The following GRM1 variants were observed in gnomAD, a reference collection of about 807,000 sequenced individuals.
The protein encoded by GRM1 is glutamate metabotropic receptor 1.
A neutral mutation model predicts 90.9 loss-of-function variants in GRM1; 33 were observed. The ratio of observed to expected loss-of-function variants is 0.36; its 90% CI spans 0.28 to 0.49. The LOEUF (loss-of-function observed/expected upper bound fraction) is 0.49. Among genes scored for constraint, GRM1 ranks in the 20% least tolerant of loss-of-function variants. The pLI is 0.99. For missense variants in GRM1, 1,190 were observed against 1,534.3 expected, an observed-to-expected ratio of 0.78 and a Z score of 3.75; for synonymous variants, 700 against 613.2, an observed-to-expected ratio of 1.14 and a Z score of -2.09.
chr6:146,164,820 TTTAC>T (rs1181151701), intron 2 of GRM1, among the ~76,000 whole-genome samples: 1 of 152,110 alleles, frequency 6.6e-6, no homozygotes, highest in Non-Finnish European at 1.5e-5. Flanking sequence ...TTGGAAAGCC[TTTAC>T]TGTAAGTTCA....
rs1387980558 is a variant in GRM1, at chr6:146,159,590, A to G, written c.943A>G (p.Ile315Val). Residue 315 changes from isoleucine (I) to valine (V), a missense_variant, in exon 2 of 8, where the codon ATT becomes GTT. By Grantham distance (29) the Ile-to-Val change is conservative. This residue lies in a region of GRM1 where 414 missense variants were observed against 598.4 expected (regional missense o/e 0.69). Coordinates refer to ENST00000282753, the MANE Select transcript of GRM1 (RefSeq NM_001278064.2). ...RLGVVGEFSL[I>V]GSDGWADRDE... is the part of the protein sequence containing the mutation. ...TGGCGTCGTGGGCGAGTTCTCACTC[A>G]TTGGAAGGTAAGTTTCTCTCTCTCT... is the stretch of plus-strand genomic sequence containing the variant. 3 of 1,584,672 alleles carry G rather than the reference A, an allele frequency of 1.9e-6. No homozygotes were observed. Among genetic ancestry groups the G allele is most frequent in the South Asian group, 1.1e-5 (1 of 90,400 alleles).
intron 6 of GRM1, among the ~76,000 whole-genome samples, chr6:146,396,096 C>CTATCTA (rs1407879017): frequency 6.6e-6 from 1 of 151,960 alleles, no homozygotes; most frequent in Admixed American, 6.6e-5. Context: ...ATCTATCTAT[C>CTATCTA]TATCTATCGT....
intron 1 of GRM1, among the ~76,000 whole-genome samples, chr6:146,071,077 T>C (rs1429949778): frequency 6.6e-6 from 1 of 152,232 alleles, no homozygotes; most frequent in African/African-American, 2.4e-5. Context: ...TGTTTGATCA[T>C]GCTGTTCTTG....
intron 3 of GRM1, among the ~76,000 whole-genome samples, chr6:146,328,707 A>T (rs1784483089): frequency 6.6e-6 from 1 of 152,150 alleles, no homozygotes; most frequent in Non-Finnish European, 1.5e-5. Context: ...GATATTTGTC[A>T]TAAGGTTCCC....
At chr6:146,128,306 T>C (rs73571245) in intron 1 of GRM1, among the ~76,000 whole-genome samples, 8,122 of 152,260 alleles carry the variant, frequency 0.053, 710 homozygotes, top group African/African-American at 0.18. Flanking sequence ...GCAATCCTGC[T>C]GCTAAGATAA....
At chr6:146,037,273 C>G (rs993524585) in intron 1 of GRM1, among the ~76,000 whole-genome samples, 1 of 151,840 alleles carries the variant, frequency 6.6e-6, no homozygotes, top group African/African-American at 2.4e-5. Flanking sequence ...GACCCTAAAC[C>G]TAGTAATATA....
chr6:146,030,850 T>C (rs1482727380), intron 1 of GRM1, among the ~76,000 whole-genome samples: 1 of 152,196 alleles, frequency 6.6e-6, no homozygotes, highest in Admixed American at 6.5e-5. Flanking sequence ...TTCTTCTTAC[T>C]TTATAGGCTA....
chr6:146,356,785 G>A (rs1785600806), intron 4 of GRM1, among the ~76,000 whole-genome samples: 1 of 152,086 alleles, frequency 6.6e-6, no homozygotes, highest in East Asian at 1.9e-4. Context: ...ATTGTAGAAT[G>A]TCCTATACCA....
intron 2 of GRM1, among the ~76,000 whole-genome samples, chr6:146,167,981 TAA>T (rs1777971190): frequency 6.6e-6 from 1 of 152,074 alleles, no homozygotes; most frequent in Non-Finnish European, 1.5e-5. Flanking sequence ...AACATTTTTC[TAA>T]AAGTTTTATA....
chr6:146,079,517 T>A (rs1180983224), intron 1 of GRM1, among the ~76,000 whole-genome samples: 1 of 152,170 alleles, frequency 6.6e-6, no homozygotes, highest in Non-Finnish European at 1.5e-5. Context: ...AAGAAACACC[T>A]CCATTAGTAA....
intron 1 of GRM1, among the ~76,000 whole-genome samples, chr6:146,139,592 G>A (rs1333392290): frequency 1.3e-5 from 2 of 151,946 alleles, no homozygotes; most frequent in East Asian, 1.9e-4. Context: ...TATAGTTTTT[G>A]TCTTGAAATC....
intron 5 of GRM1, among the ~76,000 whole-genome samples, chr6:146,380,253 G>C (rs1467955837): frequency 6.6e-6 from 1 of 152,084 alleles, no homozygotes; most frequent in African/African-American, 2.4e-5. Flanking sequence ...TCAAAGACTA[G>C]AGTCAAAAAA....
At chr6:146,312,150 G>A (rs1022827429) in intron 3 of GRM1, among the ~76,000 whole-genome samples, 2 of 151,692 alleles carry the variant, frequency 1.3e-5, no homozygotes, top group Non-Finnish European at 2.9e-5. Flanking sequence ...GACCATCTTG[G>A]CTAACACACT....
intron 2 of GRM1, among the ~76,000 whole-genome samples, chr6:146,261,157 G>T (rs930592009): frequency 1.3e-5 from 2 of 152,182 alleles, no homozygotes; most frequent in Admixed American, 1.3e-4. Context: ...GCTACAGACC[G>T]TGGAATTATG....
rs138182151 is a variant in GRM1 at position 146,290,142 on chromosome 6, T to C, written c.951-14469T>C. On this transcript the variant is annotated intron_variant, in intron 2 of 7. Transcript: ENST00000282753. ...GTGTGGCTGGACAACCTTTTGTTACTGCATTAAAAAGATCAAAAGATAAGT... is the reference window on the plus strand; with the variant it reads ...GTGTGGCTGGACAACCTTTTGTTACCGCATTAAAAAGATCAAAAGATAAGT... 2.1e-3 allele frequency among the ~76,000 whole-genome samples: 322 copies of C among 152,128 alleles called. 1 individual carries two copies. Among genetic ancestry groups the C allele is most frequent in the African/African-American group, 7.4e-3 (309 of 41,520 alleles).
intron 2 of GRM1, among the ~76,000 whole-genome samples, chr6:146,236,440 A>G (rs1229886147): frequency 1.3e-5 from 2 of 152,026 alleles, no homozygotes; most frequent in African/African-American, 4.8e-5. Context: ...TACATTTTTG[A>G]CATTCCCCTA....
chr6:146,275,516 C>G (rs1782323401), intron 2 of GRM1, among the ~76,000 whole-genome samples: 1 of 152,042 alleles, frequency 6.6e-6, no homozygotes, highest in Non-Finnish European at 1.5e-5. Flanking sequence ...ATTTCTCTCT[C>G]TCGCTCTCTG....
At chr6:146,282,424 C>T (rs773182999) in intron 2 of GRM1, among the ~76,000 whole-genome samples, 14 of 151,864 alleles carry the variant, frequency 9.2e-5, no homozygotes, top group South Asian at 4.1e-4. Flanking sequence ...GCTTCATATC[C>T]GTATAATCTG....
Position 146,216,795 on chromosome 6 carries a change from G to T in GRM1, c.950+57198G>T, listed in dbSNP as rs61530957. Among the ~76,000 whole-genome samples the T allele has an allele frequency of 4.6e-5, 7 of 152,278 alleles. No individual in the cohort carries two copies. In the East Asian group the frequency reaches 1.4e-3, roughly 29 times the overall value. ...ATAAATTGTTGAGAACATTTCATTG[G>T]CAGTGAAATCTTTTAAGAAAGCTTT... On this transcript the variant is annotated intron_variant, in intron 2 of 7. Transcript: ENST00000282753.
Sources: allele counts gnomAD v4.1 joint callset (sites outside exome capture counted in the v4.1 genomes callset), GRCh38; gene constraint gnomAD v4.1.1; regional missense constraint gnomAD v4.1.1; transcripts MANE v1.5; gene names NCBI Gene and HGNC (gene_info 2026-07-23, HGNC 2026-07-21).